Variants in CCDC137 observed in about 807,000 individuals in gnomAD.
CCDC137 encodes coiled-coil domain containing 137.
In CCDC137, 24 loss-of-function variants were observed where a neutral mutation model predicts 30.4. The observed-to-expected ratio is 0.79, with a 90% CI of 0.57 to 1.11. The LOEUF (loss-of-function observed/expected upper bound fraction) is 1.11, where lower values mean the gene tolerates loss of function less well. Ranked by LOEUF, CCDC137 falls within the 50% of genes least tolerant of loss-of-function variation. CCDC137 has a pLI of 0.00. For missense variants in CCDC137, 417 were observed against 380.4 expected, an observed-to-expected ratio of 1.10 and a Z score of -0.80; for synonymous variants, 182 against 155.7, an observed-to-expected ratio of 1.17 and a Z score of -1.26.
In CCDC137 at chr17:81,672,971, G is replaced by C; in HGVS notation, c.*267G>C. The stretch of plus-strand genomic sequence containing the variant: ...TTTTGAACGTCCATTCTGAGTCTCA[G>C]CCCAGGTGGACCTTAGGAAGGGCTG... On this transcript the variant is annotated 3_prime_UTR_variant, in exon 6 of 6. Transcript: ENST00000329214. 2 of 521,218 alleles carry C rather than the reference G, an allele frequency of 3.8e-6. No homozygotes were observed. Among genetic ancestry groups the C allele is most frequent in the East Asian group, 3.3e-5 (1 of 30,438 alleles). 32.3% of individuals were successfully genotyped at this position (521,218 alleles called of 1,614,324 possible). A position where few individuals can be genotyped will look rare whatever the true frequency, so the allele number is the denominator to read the frequency against.
intron 1 of CCDC137, 50 bp downstream of exon 1, chr17:81,666,950 G>C: frequency 8.1e-6 from 10 of 1,241,506 alleles, no homozygotes; most frequent in Non-Finnish European, 1.0e-5. Context: ...AGAAGGGGAC[G>C]CCTTGAAGGC....
Position 81,666,771 on chromosome 17 carries a change from CG to C in CCDC137, c.8del (p.Gly3GlufsTer49). MAGAGRGAAVSR... is the reference protein window; with the variant it reads MXGAGRGAAVSR... ...AGGGAGCCTCCCGGCGTGGAGATGG[CG>C]GGAGCTGGTCGCGGAGCAGCGGTGT... On this transcript the variant is annotated frameshift_variant, in exon 1 of 6. Coordinates refer to ENST00000329214, the MANE Select transcript of CCDC137 (RefSeq NM_199287.3). LOFTEE classifies it high-confidence loss of function. The C allele has an allele frequency of 1.4e-6, 2 of 1,466,748 alleles. No individual in the cohort carries two copies. Among genetic ancestry groups the C allele is most frequent in the Non-Finnish European group, 9.0e-7 (1 of 1,113,754 alleles). 90.9% of individuals were successfully genotyped at this position (1,466,748 alleles called of 1,614,324 possible).
Position 81,672,580 on chromosome 17 carries a change from G to C in CCDC137, c.746G>C (p.Arg249Pro). The C allele has an allele frequency of 2.5e-6, 4 of 1,581,420 alleles. No homozygotes were observed. The Middle Eastern group carries it at 6.6e-4, about 263-fold the overall frequency. Reference sequence around the variant, plus strand: ...CTGACCGCCTCCCTGGCCCGCCAGCGGATTGTGGAGGAGGAGAGAGAGCGG... The same window carrying C: ...CTGACCGCCTCCCTGGCCCGCCAGCCGATTGTGGAGGAGGAGAGAGAGCGG... Reference protein sequence around the residue: ...QPLTASLARQRIVEEERERAV... With the variant: ...QPLTASLARQPIVEEERERAV... Residue 249 changes from arginine to proline, a missense_variant, in exon 6 of 6, where the codon CGG (arginine) becomes CCG (proline). Transcript: ENST00000329214.
chr17:81,672,176 A>C (rs2036727267), intron 5 of CCDC137, 21 bp downstream of exon 5: 2 of 1,611,716 alleles, frequency 1.2e-6, no homozygotes, highest in Non-Finnish European at 8.5e-7. Context: ...CACGGGGACA[A>C]CTTGAGTTTG....
At chr17:81,668,301 G>A (rs2036673829) in intron 2 of CCDC137, among the ~76,000 whole-genome samples, 1 of 152,178 alleles carries the variant, frequency 6.6e-6, no homozygotes, top group Admixed American at 6.5e-5. Context: ...GAGTGCTGAA[G>A]CAATGGTAGA....
chr17:81,666,777 C>G lies in CCDC137; in HGVS notation c.11C>G (p.Ala4Gly), dbSNP rs763035316. 9 of 1,467,562 alleles carry G rather than the reference C, an allele frequency of 6.1e-6. No individual in the cohort carries two copies. The highest frequency in any genetic ancestry group is 5.1e-5 in the Admixed American group (2 of 39,200). The allele number at this position is 1,467,562 out of a possible 1,614,324, so 90.9% of individuals were successfully genotyped here. Residue 4 changes from alanine to glycine, a missense_variant, in exon 1 of 6, where the codon GCT becomes GGT. Ala to Gly is a moderately conservative substitution (Grantham distance 60). Coordinates refer to ENST00000329214, the MANE Select transcript of CCDC137 (RefSeq NM_199287.3). The part of the protein sequence containing the change: MAG[A>G]GRGAAVSRVQ... ...CCTCCCGGCGTGGAGATGGCGGGAG[C>G]TGGTCGCGGAGCAGCGGTGTCCAGG...
chr17:81,670,195 G>T (rs983877038), intron 2 of CCDC137, 30 bp from the exon 3 acceptor site: 71 of 1,568,414 alleles, frequency 4.5e-5, no homozygotes, highest in Non-Finnish European at 6.1e-5. Context: ...TCTGCCTCCT[G>T]CCTCCTCTGA....
chr17:81,668,593 G>A (rs1457777380), intron 2 of CCDC137, among the ~76,000 whole-genome samples: 1 of 152,238 alleles, frequency 6.6e-6, no homozygotes, highest in Non-Finnish European at 1.5e-5. Flanking sequence ...CTGCCAAAGG[G>A]ATAGTGAGAT....
Position 81,672,886 on chromosome 17 carries a change from C to A in CCDC137, c.*182C>A. On this transcript the variant is annotated 3_prime_UTR_variant, in exon 6 of 6. Transcript: ENST00000329214. ...GGGTGAGTGCCCGATGGACTAGGGC[C>A]AAGGCCTGGTTGACAGACGGCCCGT... 1 of 619,890 alleles carries A rather than the reference C, an allele frequency of 1.6e-6. No homozygotes were observed. Among genetic ancestry groups the A allele is most frequent in the Non-Finnish European group, 2.8e-6 (1 of 362,280 alleles). The allele number at this position is 619,890 out of a possible 1,614,324, so 38.4% of individuals were successfully genotyped here.
chr17:81,670,169 C>G, intron 2 of CCDC137, 56 bp from the exon 3 acceptor site: 3 of 1,377,264 alleles, frequency 2.2e-6, no homozygotes, highest in Non-Finnish European at 3.0e-6. Context: ...GAGCATGGGT[C>G]ACCTGCCTGC....
rs913039751 is a variant in CCDC137 at position 81,667,319 on chromosome 17, C to CTT, written c.135-392_135-391dup. 3.0e-4 allele frequency among the ~76,000 whole-genome samples: 38 copies of CTT among 125,630 alleles called. No individual in the cohort carries two copies. In the Middle Eastern group the frequency reaches 0.018, roughly 60 times the overall value. The allele number at this position is 125,630 out of a possible 152,430, so 82.4% of individuals were successfully genotyped here. A position where few individuals can be genotyped will look rare whatever the true frequency, so the allele number is the denominator to read the frequency against. On this transcript the variant is annotated intron_variant, in intron 1 of 5. Transcript: ENST00000329214. ...GATGTGGCCCCTGTATAGATAGATT[C>CTT]TTTTTTTTTTTTTTTTTTTGAGACG...
At chr17:81,671,565 T>C (rs1598734292) in intron 3 of CCDC137, 179 bp from the exon 4 acceptor site, 1 of 603,080 alleles carries the variant, frequency 1.7e-6, no homozygotes, top group East Asian at 2.8e-5. Context: ...GTCAGAGCCT[T>C]CTTTGGTGGG....
chr17:81,669,620 C>G (rs1262687815), intron 2 of CCDC137, among the ~76,000 whole-genome samples: 1 of 151,210 alleles, frequency 6.6e-6, no homozygotes, highest in Admixed American at 6.6e-5. Context: ...AGTGCAGTGG[C>G]GCAATCTCGG....
In CCDC137 at chr17:81,673,712, C is replaced by G. The variant is rs1373066689; in HGVS notation, c.*1008C>G. The stretch of plus-strand genomic sequence containing the variant: ...TCTGGGAACTGAGAAGCACCTCTGC[C>G]CGGCCCCCACACCGTGTGGAAAGTG... On this transcript the variant is annotated 3_prime_UTR_variant, in exon 6 of 6. Transcript: ENST00000329214. 1.3e-5 allele frequency: 2 copies of G among 152,278 alleles called. No homozygotes were observed. The highest frequency in any genetic ancestry group is 2.9e-5 in the Non-Finnish European group (2 of 68,122). The allele number at this position is 152,278 out of a possible 1,614,324, so 9.4% of individuals were successfully genotyped here. A position where few individuals can be genotyped will look rare whatever the true frequency, so the allele number is the denominator to read the frequency against.
At chr17:81,670,495 G>A (rs773883168) in intron 3 of CCDC137, 42 bp downstream of exon 3, 43 of 1,542,882 alleles carry the variant, frequency 2.8e-5, no homozygotes, top group East Asian at 4.6e-5. Flanking sequence ...CCTGGGAGCC[G>A]GAGGGAAGAC....
At chr17:81,672,463 G>A (rs1253067662) in intron 5 of CCDC137, 32 bp from the exon 6 acceptor site, 7 of 1,541,004 alleles carry the variant, frequency 4.5e-6, no homozygotes, top group African/African-American at 1.4e-5. Flanking sequence ...TCCTTTCCCA[G>A]CCTGTGCCTC....
intron 2 of CCDC137, among the ~76,000 whole-genome samples, chr17:81,668,587 C>T (rs1239235921): frequency 6.6e-6 from 1 of 152,136 alleles, no homozygotes; most frequent in East Asian, 1.9e-4. Context: ...ATATGGCTGC[C>T]AAAGGGATAG....
chr17:81,668,704 A>G (rs750568633), intron 2 of CCDC137, among the ~76,000 whole-genome samples: 9 of 151,804 alleles, frequency 5.9e-5, no homozygotes, highest in Admixed American at 1.3e-4. Context: ...TTGTTTGTTT[A>G]TTTATTTATT....
intron 3 of CCDC137, 132 bp from the exon 4 acceptor site, chr17:81,671,612 C>T: frequency 1.2e-6 from 1 of 824,582 alleles, no homozygotes; most frequent in Non-Finnish European, 2.0e-6. Context: ...GGAGCGGGGA[C>T]TTGGAGGCAG....
Sources: gnomAD v4.1 joint callset for allele counts (sites outside exome capture counted in the v4.1 genomes callset) on GRCh38, gnomAD v4.1.1 for gene constraint, MANE v1.5 for transcripts, NCBI Gene and HGNC (gene_info 2026-07-23, HGNC 2026-07-21) for gene names.